The following STXBP4 variants were observed in gnomAD, a reference collection of about 807,000 sequenced individuals.
The protein encoded by STXBP4 is syntaxin binding protein 4.
STXBP4 carries 55 observed loss-of-function variants against 76.1 expected under a neutral mutation model. That is an observed-to-expected ratio of 0.72 (90% confidence interval 0.58 to 0.91). STXBP4 has a LOEUF of 0.91. STXBP4 is among the 40% of genes least tolerant of loss of function. The probability of loss-of-function intolerance (pLI) is 0.00; values close to 1 mark genes in which losing one functional copy is unlikely to be tolerated. For missense variants in STXBP4, 618 were observed against 636.9 expected (o/e 0.97, Z 0.32); for synonymous variants, 201 against 220.2 (o/e 0.91, Z 0.77).
At chr17:55,109,755 G>T (rs244367) in intron 16 of STXBP4, among the ~76,000 whole-genome samples, 94,878 of 151,320 alleles carry the variant, frequency 0.63, 30,377 homozygotes, top group African/African-American at 0.75. Context: ...TTAGCCTCCT[G>T]AGTAGCTGGG....
intron 16 of STXBP4, among the ~76,000 whole-genome samples, chr17:55,114,982 T>C (rs1033649674): frequency 4.6e-5 from 7 of 151,982 alleles, no homozygotes; most frequent in African/African-American, 1.7e-4. Flanking sequence ...AAGTTTTTTG[T>C]TAACCATATC....
intron 8 of STXBP4, among the ~76,000 whole-genome samples, chr17:55,017,008 G>C (rs1474930167): frequency 1.3e-5 from 2 of 152,106 alleles, no homozygotes; most frequent in African/African-American, 2.4e-5. Context: ...GAAGGCTAAG[G>C]GTTGTCAGTG....
At position 55,065,315 on chromosome 17, in the gene STXBP4, GT is replaced by G. The variant is rs373620092; in HGVS notation, c.1012-7583del. On this transcript the variant is annotated intron_variant, in intron 12 of 17. Coordinates refer to ENST00000376352, the MANE Select transcript of STXBP4 (RefSeq NM_178509.6). The stretch of plus-strand genomic sequence containing the variant: ...TTAAGAATCTTTTTATTTAGCTCTT[GT>G]TATGTCTCGCTTTGAATTTAGAATT... 9.9e-5 allele frequency among the ~76,000 whole-genome samples: 15 copies of G among 152,162 alleles called. No homozygotes were observed. In the East Asian group the frequency reaches 2.9e-3, roughly 29 times the overall value.
At position 54,986,253 on chromosome 17, in the gene STXBP4, A is replaced by C. The variant is rs750866183; in HGVS notation, c.34A>C (p.Ser12Arg). The C allele has an allele frequency of 5.0e-6, 8 of 1,598,058 alleles. 1 individual carries two copies. The South Asian group carries it at 9.1e-5, about 18-fold the overall frequency. ...NKNTSTVVSP[S>R]LLEKDPAFQM... ...AAATACATCTACTGTAGTATCACCC[A>C]GTCTACTTGAAAAGTAATTTTTAAG... Residue 12 changes from serine to arginine, a missense_variant, in exon 3 of 18, where the codon AGT (serine) becomes CGT (arginine). Physicochemically the swap from Ser to Arg is moderately radical, Grantham distance 110. Coordinates refer to ENST00000376352, the MANE Select transcript of STXBP4 (RefSeq NM_178509.6).
chr17:54,986,512 G>A lies in STXBP4; in HGVS notation c.47+246G>A, dbSNP rs531467008. Reference sequence around the variant, plus strand: ...GGCATGCCTGTAGTCCCAGCTGCTCGGGAGACTAGGACAGGAGGATAGCCT... The same window carrying A: ...GGCATGCCTGTAGTCCCAGCTGCTCAGGAGACTAGGACAGGAGGATAGCCT... On this transcript the variant is annotated intron_variant, in intron 3 of 17. Transcript: ENST00000376352. Among the ~76,000 whole-genome samples, 84 of 152,194 alleles carry A rather than the reference G, an allele frequency of 5.5e-4. 1 individual carries two copies. The highest frequency in any genetic ancestry group is 1.9e-3 in the African/African-American group (79 of 41,528).
At chr17:55,052,640 A>G (rs2078872623) in intron 12 of STXBP4, among the ~76,000 whole-genome samples, 1 of 152,108 alleles carries the variant, frequency 6.6e-6, no homozygotes, top group Non-Finnish European at 1.5e-5. Flanking sequence ...ACTGCTTATT[A>G]ATTGCAAGGG....
At chr17:55,036,922 AT>A (rs2078613731) in intron 10 of STXBP4, among the ~76,000 whole-genome samples, 1 of 152,130 alleles carries the variant, frequency 6.6e-6, no homozygotes, top group Non-Finnish European at 1.5e-5. Context: ...TATATAATTA[AT>A]TTATTGAACA....
At chr17:55,033,757 C>G (rs1172434606) in intron 9 of STXBP4, among the ~76,000 whole-genome samples, 1 of 152,136 alleles carries the variant, frequency 6.6e-6, no homozygotes, top group East Asian at 1.9e-4. Context: ...AATTGCTAAG[C>G]ACTGTGCCTG....
rs562006580 is a variant in STXBP4 at position 55,169,851 on chromosome 17, T to G, written c.*9940T>G. 2 of 152,354 alleles carry G rather than the reference T, an allele frequency of 1.3e-5. No individual in the cohort carries two copies. Among genetic ancestry groups the G allele is most frequent in the African/African-American group, 2.4e-5 (1 of 41,580 alleles). 9.4% of individuals were successfully genotyped at this position (152,354 alleles called of 1,614,324 possible). A position where few individuals can be genotyped will look rare whatever the true frequency, so the allele number is the denominator to read the frequency against. Reference sequence around the variant, plus strand: ...CTAAACAATCCAAGACAGATAATTTTGTAGTATTTACTGTGTGAAGTGAAC... The same window carrying G: ...CTAAACAATCCAAGACAGATAATTTGGTAGTATTTACTGTGTGAAGTGAAC... On this transcript the variant is annotated 3_prime_UTR_variant, in exon 18 of 18. Coordinates refer to ENST00000376352, the MANE Select transcript of STXBP4 (RefSeq NM_178509.6).
intron 16 of STXBP4, among the ~76,000 whole-genome samples, chr17:55,083,402 C>CA (rs1322957372): frequency 2.6e-5 from 4 of 152,102 alleles, no homozygotes; most frequent in African/African-American, 4.8e-5. Flanking sequence ...ATTCCTAGCA[C>CA]AAAAAACATA....
chr17:55,192,050 G>T, the STXBP4 span, among the ~76,000 whole-genome samples: 2 of 152,090 alleles, frequency 1.3e-5, no homozygotes, highest in African/African-American at 4.8e-5. Context: ...TGACAAATAG[G>T]GCTAGGGATT....
chr17:55,117,102 A>C (rs768552507), intron 16 of STXBP4, among the ~76,000 whole-genome samples: 1 of 151,748 alleles, frequency 6.6e-6, no homozygotes, highest in Non-Finnish European at 1.5e-5. Context: ...TGTGTACGTG[A>C]ATTTCTTATT....
intron 1 of STXBP4, among the ~76,000 whole-genome samples, chr17:54,978,228 A>G (rs547888973): frequency 1.3e-5 from 2 of 152,340 alleles, no homozygotes; most frequent in African/African-American, 2.4e-5. Context: ...TGATTTTGAC[A>G]TCGTACATAT....
intron 8 of STXBP4, chr17:55,030,951 A>T (rs1373787589): frequency 9.4e-6 from 4 of 424,614 alleles, no homozygotes; most frequent in Non-Finnish European, 1.3e-5. Flanking sequence ...TATTAGCTAA[A>T]GTGCTAGTCT....
At position 55,165,098 on chromosome 17, in the gene STXBP4, A is replaced by T. The variant is rs1036660081; in HGVS notation, c.*5187A>T. ...ACCATTTAATGTTCATTACGTTAAC[A>T]AAGAGTGTGATATCAGAAAGCAGAA... is the stretch of plus-strand genomic sequence containing the variant. On this transcript the variant is annotated 3_prime_UTR_variant, in exon 18 of 18. Coordinates refer to ENST00000376352, the MANE Select transcript of STXBP4 (RefSeq NM_178509.6). The T allele has an allele frequency of 6.6e-6, 1 of 152,232 alleles. No individual in the cohort carries two copies. Among genetic ancestry groups the T allele is most frequent in the Non-Finnish European group, 1.5e-5 (1 of 68,042 alleles). The allele number at this position is 152,232 out of a possible 1,614,324, so 9.4% of individuals were successfully genotyped here.
chr17:54,993,138 C>T (rs943181978), intron 4 of STXBP4, among the ~76,000 whole-genome samples: 4 of 152,206 alleles, frequency 2.6e-5, no homozygotes, highest in Admixed American at 1.3e-4. Context: ...TCAGTGATAG[C>T]AGATTAAGAA....
chr17:54,974,859 G>A (rs569434890), intron 1 of STXBP4, among the ~76,000 whole-genome samples: 33 of 152,248 alleles, frequency 2.2e-4, no homozygotes, highest in African/African-American at 7.0e-4. Context: ...AGTTATACCC[G>A]CTTTTAATTA....
the STXBP4 span, among the ~76,000 whole-genome samples, chr17:55,179,255 G>T: frequency 7.8e-4 from 119 of 152,110 alleles, no homozygotes; most frequent in African/African-American, 2.7e-3. Context: ...GGGGAAAAGT[G>T]GAAATATATG....
chr17:55,003,998 C>G (rs1201561015), intron 7 of STXBP4, among the ~76,000 whole-genome samples: 2 of 151,722 alleles, frequency 1.3e-5, no homozygotes, highest in Non-Finnish European at 2.9e-5. Flanking sequence ...ATAGTGAAAC[C>G]CTGTCTCTAC....
Sources: allele counts gnomAD v4.1 joint callset (sites outside exome capture counted in the v4.1 genomes callset), GRCh38; gene constraint gnomAD v4.1.1; transcripts MANE v1.5; gene names NCBI Gene and HGNC (gene_info 2026-07-23, HGNC 2026-07-21).